The following PTPRK variants were observed in gnomAD, a reference collection of about 807,000 sequenced individuals.
PTPRK encodes protein tyrosine phosphatase receptor type K.
PTPRK carries 75 observed loss-of-function variants against 178.0 expected under a neutral mutation model. The observed-to-expected ratio is 0.42, with a 90% CI of 0.35 to 0.51. The LOEUF is 0.51. Among genes scored for constraint, PTPRK ranks in the 20% least tolerant of loss-of-function variants. The probability of loss-of-function intolerance (pLI) is 0.02; values close to 1 mark genes in which losing one functional copy is unlikely to be tolerated. For synonymous variants in PTPRK, 637 were observed against 620.6 expected, an observed-to-expected ratio of 1.03 and a Z score of -0.39; for missense variants, 1,441 against 1,797.8, an observed-to-expected ratio of 0.80 and a Z score of 3.59.
chr6:128,098,488 C>T lies in PTPRK; in HGVS notation c.1163-8496G>A, dbSNP rs538467683. Among the ~76,000 whole-genome samples, 5 of 152,128 alleles carry T rather than the reference C, an allele frequency of 3.3e-5. No individual in the cohort carries two copies. The South Asian group carries it at 6.2e-4, about 19-fold the overall frequency. ...CAGAGCCAAGTTACCCGAGTCGTACCAGCAGAAGCCAACCTATAGCCAGTC... is the reference window on the plus strand; with the variant it reads ...CAGAGCCAAGTTACCCGAGTCGTACTAGCAGAAGCCAACCTATAGCCAGTC... On this transcript the variant is annotated intron_variant, in intron 7 of 29. Transcript: ENST00000368226.
intron 1 of PTPRK, among the ~76,000 whole-genome samples, chr6:128,496,153 G>A (rs1454307193): frequency 6.7e-6 from 1 of 150,106 alleles, no homozygotes; most frequent in Non-Finnish European, 1.5e-5. Flanking sequence ...CCTAAAGCAT[G>A]CCACAGTGAA....
intron 13 of PTPRK, among the ~76,000 whole-genome samples, chr6:128,055,592 T>TTTTTG (rs768184472): frequency 4.6e-5 from 7 of 152,040 alleles, no homozygotes; most frequent in Admixed American, 2.0e-4. Flanking sequence ...TGCTTATTGT[T>TTTTTG]TTTTGTTTTG....
chr6:128,215,521 T>C (rs1809114126), intron 6 of PTPRK, among the ~76,000 whole-genome samples: 1 of 152,188 alleles, frequency 6.6e-6, no homozygotes, highest in Admixed American at 6.5e-5. Context: ...CTGAATACAT[T>C]ATCGTTATTC....
intron 7 of PTPRK, among the ~76,000 whole-genome samples, chr6:128,168,179 C>T (rs1356823043): frequency 6.6e-6 from 1 of 152,056 alleles, no homozygotes; most frequent in East Asian, 1.9e-4. Flanking sequence ...TGTGACATCT[C>T]CCAAATAAGC....
intron 2 of PTPRK, among the ~76,000 whole-genome samples, chr6:128,380,625 TG>T (rs1837767851): frequency 6.6e-6 from 1 of 151,676 alleles, no homozygotes; most frequent in Admixed American, 6.6e-5. Flanking sequence ...AACACATCCA[TG>T]GAGCTGCAGG....
chr6:128,377,382 C>T (rs1837254712), intron 2 of PTPRK, among the ~76,000 whole-genome samples: 1 of 151,894 alleles, frequency 6.6e-6, no homozygotes, highest in African/African-American at 2.4e-5. Context: ...CTCGTAAGAC[C>T]CATTCACTAA....
chr6:128,079,006 G>A, intron 10 of PTPRK, 88 bp from the exon 11 acceptor site: 6 of 781,312 alleles, frequency 7.7e-6, no homozygotes, highest in African/African-American at 3.5e-5. Context: ...CTTAAGTTAG[G>A]AAAAAAAAAT....
At chr6:128,228,810 A>C (rs1583584558) in intron 5 of PTPRK, among the ~76,000 whole-genome samples, 1 of 152,198 alleles carries the variant, frequency 6.6e-6, no homozygotes, top group Non-Finnish European at 1.5e-5. Flanking sequence ...GGTAAGATTA[A>C]TTAGAAACAA....
intron 13 of PTPRK, among the ~76,000 whole-genome samples, chr6:128,041,725 C>T (rs1369505156): frequency 6.6e-6 from 1 of 151,412 alleles, no homozygotes; most frequent in Non-Finnish European, 1.5e-5. Context: ...ATAATATCAA[C>T]AAATTATATA....
At chr6:127,976,869 T>G in intron 26 of PTPRK, 54 bp downstream of exon 26, 1 of 1,611,218 alleles carries the variant, frequency 6.2e-7, no homozygotes, top group Non-Finnish European at 8.5e-7. Flanking sequence ...AGCAATTCAT[T>G]ACTACTCTAT....
In PTPRK at chr6:128,214,842, A is replaced by T. The variant is rs560642415; in HGVS notation, c.868+4080T>A. Among the ~76,000 whole-genome samples, 13 of 152,284 alleles carry T rather than the reference A, an allele frequency of 8.5e-5. No homozygotes were observed. The South Asian group carries it at 2.3e-3, about 27-fold the overall frequency. On this transcript the variant is annotated intron_variant, in intron 6 of 29. Coordinates refer to ENST00000368226, the MANE Select transcript of PTPRK (RefSeq NM_002844.4). ...TTATATTGTCTTACAACGGAATGACATCTGTTTGAATTTCTTATGATGTTA... is the reference window on the plus strand; with the variant it reads ...TTATATTGTCTTACAACGGAATGACTTCTGTTTGAATTTCTTATGATGTTA...
chr6:128,066,515 T>C (rs1214403127), intron 12 of PTPRK, among the ~76,000 whole-genome samples: 2 of 151,946 alleles, frequency 1.3e-5, no homozygotes, highest in Non-Finnish European at 2.9e-5. Context: ...CTCTTTAAGA[T>C]ATAATATGAC....
intron 2 of PTPRK, among the ~76,000 whole-genome samples, chr6:128,331,884 G>A (rs1830327659): frequency 6.6e-6 from 1 of 152,076 alleles, no homozygotes; most frequent in South Asian, 2.1e-4. Context: ...CAGTCCGAAT[G>A]ACAAAATTTC....
At chr6:128,359,746 C>T (rs191191146) in intron 2 of PTPRK, among the ~76,000 whole-genome samples, 13 of 151,158 alleles carry the variant, frequency 8.6e-5, no homozygotes, top group African/African-American at 2.7e-4. Context: ...GAGCGAAACT[C>T]GGTCTCAAAA....
At chr6:128,228,193 GATTCCTGAATA>G (rs949068870) in intron 5 of PTPRK, among the ~76,000 whole-genome samples, 2 of 151,804 alleles carry the variant, frequency 1.3e-5, no homozygotes, top group Admixed American at 6.6e-5. Context: ...GTCAACAGAT[GATTCCTGAATA>G]ATGAGTGAAA....
chr6:128,163,473 C>T (rs930670478), intron 7 of PTPRK, among the ~76,000 whole-genome samples: 15 of 151,280 alleles, frequency 9.9e-5, no homozygotes, highest in African/African-American at 3.4e-4. Context: ...TGCAATTTCC[C>T]TTATAACTTT....
intron 5 of PTPRK, among the ~76,000 whole-genome samples, chr6:128,228,736 A>G (rs916122762): frequency 1.3e-5 from 2 of 151,898 alleles, no homozygotes; most frequent in African/African-American, 4.8e-5. Flanking sequence ...AAACTACATA[A>G]TGAAAGAAAA....
chr6:128,000,961 C>T (rs1381353968), intron 15 of PTPRK, among the ~76,000 whole-genome samples: 1 of 151,928 alleles, frequency 6.6e-6, no homozygotes, highest in African/African-American at 2.4e-5. Flanking sequence ...ATAGACAGTG[C>T]CTTTTGTTTT....
At chr6:128,112,030 T>C (rs1403849599) in intron 7 of PTPRK, among the ~76,000 whole-genome samples, 2 of 152,094 alleles carry the variant, frequency 1.3e-5, no homozygotes, top group Non-Finnish European at 2.9e-5. Context: ...GAATTTATTC[T>C]TCTAATGTTA....
Sources: allele counts gnomAD v4.1 joint callset (sites outside exome capture counted in the v4.1 genomes callset), GRCh38; gene constraint gnomAD v4.1.1; transcripts MANE v1.5; gene names NCBI Gene and HGNC (gene_info 2026-07-23, HGNC 2026-07-21).